Variants in ERBB4 observed in about 807,000 individuals in gnomAD.
ERBB4 encodes the protein erb-b2 receptor tyrosine kinase 4, also known as receptor tyrosine-protein kinase erbB-4.
A neutral mutation model predicts 158.0 loss-of-function variants in ERBB4; 42 were observed. The ratio of observed to expected loss-of-function variants is 0.27; its 90% CI spans 0.21 to 0.34. ERBB4 has a LOEUF of 0.34. ERBB4 is among the 10% of genes least tolerant of loss of function. ERBB4 has a pLI of 1.00. For missense variants in ERBB4, 1,333 were observed against 1,624.1 expected (o/e 0.82, Z 3.08); for synonymous variants, 583 against 558.7 (o/e 1.04, Z -0.61).
intron 1 of ERBB4, among the ~76,000 whole-genome samples, chr2:212,203,358 GC>G (rs1559735477): frequency 6.6e-6 from 1 of 152,096 alleles, no homozygotes; most frequent in African/African-American, 2.4e-5. Flanking sequence ...AAACATGCCT[GC>G]CCTGATAAAG....
intron 1 of ERBB4, among the ~76,000 whole-genome samples, chr2:212,337,672 T>C (rs1346957179): frequency 6.6e-6 from 1 of 152,114 alleles, no homozygotes; most frequent in Non-Finnish European, 1.5e-5. Flanking sequence ...GCATATCTAA[T>C]GCAATCTGAG....
chr2:212,276,719 T>C (rs748447648), intron 1 of ERBB4, among the ~76,000 whole-genome samples: 4 of 151,492 alleles, frequency 2.6e-5, no homozygotes, highest in Non-Finnish European at 5.9e-5. Context: ...AAAATTACTA[T>C]GAAACAAAGA....
At chr2:211,797,778 T>A (rs1323744672) in intron 3 of ERBB4, among the ~76,000 whole-genome samples, 1 of 151,930 alleles carries the variant, frequency 6.6e-6, no homozygotes, top group East Asian at 1.9e-4. Flanking sequence ...AAGCAAGCCA[T>A]ACTGGAAGAT....
At chr2:211,611,501 G>A (rs1473919500) in intron 19 of ERBB4, among the ~76,000 whole-genome samples, 1 of 150,778 alleles carries the variant, frequency 6.6e-6, no homozygotes, top group Non-Finnish European at 1.5e-5. Flanking sequence ...TAATCCAGCT[G>A]TAACACTTGC....
At chr2:212,181,472 A>C (rs1018131144) in intron 1 of ERBB4, among the ~76,000 whole-genome samples, 6 of 150,164 alleles carry the variant, frequency 4.0e-5, no homozygotes, top group African/African-American at 7.3e-5. Flanking sequence ...AAAACCTATA[A>C]ATAATTTCAA....
chr2:211,509,509 G>A (rs554333695), intron 20 of ERBB4, among the ~76,000 whole-genome samples: 4 of 151,870 alleles, frequency 2.6e-5, no homozygotes, highest in African/African-American at 7.3e-5. Context: ...AAAAAATCTA[G>A]GAAATACCAT....
chr2:212,216,744 A>T (rs2083111625), intron 1 of ERBB4, among the ~76,000 whole-genome samples: 1 of 151,386 alleles, frequency 6.6e-6, no homozygotes, highest in Non-Finnish European at 1.5e-5. Flanking sequence ...TCACTACAAC[A>T]TAGCAGATTA....
At chr2:211,863,964 G>A (rs145843681) in intron 3 of ERBB4, among the ~76,000 whole-genome samples, 1 of 152,118 alleles carries the variant, frequency 6.6e-6, no homozygotes, top group Non-Finnish European at 1.5e-5. Flanking sequence ...CTTGGAGGTA[G>A]GATCCAGAGT....
intron 14 of ERBB4, among the ~76,000 whole-genome samples, chr2:211,668,554 C>A (rs1476679296): frequency 2.0e-5 from 3 of 152,062 alleles, no homozygotes; most frequent in Middle Eastern, 3.4e-3. Context: ...TCTAGACAGA[C>A]AACTAAAGGA....
At chr2:212,362,028 G>GT (rs1030438748) in intron 1 of ERBB4, among the ~76,000 whole-genome samples, 7 of 151,306 alleles carry the variant, frequency 4.6e-5, no homozygotes, top group African/African-American at 7.3e-5. Flanking sequence ...CACATAGAAA[G>GT]TTTTTTTTAC....
chr2:211,949,878 C>T (rs1347444558), intron 2 of ERBB4, among the ~76,000 whole-genome samples: 1 of 152,188 alleles, frequency 6.6e-6, no homozygotes, highest in East Asian at 1.9e-4. Context: ...CCTTCTACTA[C>T]ACTATATCAT....
At chr2:212,220,693 C>T (rs559924786) in intron 1 of ERBB4, among the ~76,000 whole-genome samples, 2 of 151,432 alleles carry the variant, frequency 1.3e-5, no homozygotes, top group South Asian at 2.1e-4. Context: ...TCCTTCCCTC[C>T]CTGCTATATT....
At chr2:211,613,043 A>G (rs950190730) in intron 19 of ERBB4, among the ~76,000 whole-genome samples, 4 of 152,054 alleles carry the variant, frequency 2.6e-5, no homozygotes, top group Admixed American at 1.3e-4. Flanking sequence ...AAGGTGTGCT[A>G]GACTTGGGAC....
intron 1 of ERBB4, among the ~76,000 whole-genome samples, chr2:212,160,551 T>C (rs1489816364): frequency 6.6e-6 from 1 of 152,028 alleles, no homozygotes; most frequent in Non-Finnish European, 1.5e-5. Context: ...CTGTTTTCTA[T>C]GTCCCATTGT....
intron 5 of ERBB4, among the ~76,000 whole-genome samples, chr2:211,728,943 TAA>T (rs1367434379): frequency 6.6e-6 from 1 of 151,832 alleles, no homozygotes; most frequent in East Asian, 1.9e-4. Context: ...AATTATGTAT[TAA>T]GTGTTCACGT....
intron 20 of ERBB4, among the ~76,000 whole-genome samples, chr2:211,448,456 AC>A (rs1341528123): frequency 7.9e-6 from 1 of 126,730 alleles, no homozygotes; most frequent in Non-Finnish European, 1.7e-5. Flanking sequence ...ATATACATCT[AC>A]CCAAACAGAT....
chr2:212,537,150 C>G (rs13428799), intron 1 of ERBB4, among the ~76,000 whole-genome samples: 2,343 of 151,186 alleles, frequency 0.015, 63 homozygotes, highest in African/African-American at 0.054. Context: ...GCGGCGGCGG[C>G]GGCGGAGCGG....
At chr2:211,441,494 G>A (rs565890087) in intron 20 of ERBB4, among the ~76,000 whole-genome samples, 1 of 152,196 alleles carries the variant, frequency 6.6e-6, no homozygotes, top group East Asian at 1.9e-4. Context: ...GCCTTTTGCA[G>A]ATATTTCTAG....
chr2:211,880,692 C>T (rs1391219850), intron 3 of ERBB4, among the ~76,000 whole-genome samples: 1 of 152,056 alleles, frequency 6.6e-6, no homozygotes, highest in Admixed American at 6.6e-5. Context: ...ATGAATCTTG[C>T]TAAAATTGAA....
Sources: allele counts gnomAD v4.1 joint callset (sites outside exome capture counted in the v4.1 genomes callset), GRCh38; gene constraint gnomAD v4.1.1; transcripts MANE v1.5; gene names NCBI Gene and HGNC (gene_info 2026-07-23, HGNC 2026-07-21).